The following C1orf141 variants were observed in gnomAD, a reference collection of about 807,000 sequenced individuals.
C1orf141 encodes the protein chromosome 1 open reading frame 141, also known as uncharacterized protein C1orf141.
In C1orf141, 19 loss-of-function variants were observed where a neutral mutation model predicts 23.2. The ratio of observed to expected loss-of-function variants is 0.82; its 90% CI spans 0.57 to 1.20. The LOEUF (loss-of-function observed/expected upper bound fraction) is 1.20. C1orf141 is among the 50% of genes most tolerant of loss of function. The probability of loss-of-function intolerance (pLI) is 0.00; values close to 1 mark genes in which losing one functional copy is unlikely to be tolerated. For missense variants in C1orf141, 469 were observed against 455.1 expected (o/e 1.03, Z -0.28); for synonymous variants, 153 against 154.6 (o/e 0.99, Z 0.08).
intron 7 of C1orf141, chr1:67,094,947 C>T: frequency 3.9e-6 from 1 of 258,410 alleles, no homozygotes; most frequent in Non-Finnish European, 7.3e-6. Flanking sequence ...ATTGGTACAG[C>T]CATTTTTAAA....
At chr1:67,106,893 A>G (rs765039174) in intron 5 of C1orf141, among the ~76,000 whole-genome samples, 17 of 152,220 alleles carry the variant, frequency 1.1e-4, no homozygotes, top group Non-Finnish European at 2.5e-4. Context: ...GATCAATAGA[A>G]ATTACTTAAT....
At chr1:67,095,967 A>G in intron 6 of C1orf141, 1 of 225,480 alleles carries the variant, frequency 4.4e-6, no homozygotes, top group Non-Finnish European at 8.7e-6. Context: ...TCCAAAGAAA[A>G]GCTACTTTTT....
intron 1 of C1orf141, among the ~76,000 whole-genome samples, chr1:67,133,714 C>A (rs1450681414): frequency 1.3e-5 from 2 of 152,164 alleles, no homozygotes; most frequent in African/African-American, 4.8e-5. Flanking sequence ...GAGATTGGGA[C>A]ACCGAGGATA....
intron 4 of C1orf141, 85 bp downstream of exon 4, chr1:67,125,667 C>A: frequency 1.5e-6 from 2 of 1,314,476 alleles, no homozygotes; most frequent in Non-Finnish European, 2.2e-6. Context: ...CCACTGCACT[C>A]TACCCTAGGC....
At chr1:67,102,400 A>G (rs1645823997) in intron 5 of C1orf141, among the ~76,000 whole-genome samples, 1 of 151,800 alleles carries the variant, frequency 6.6e-6, no homozygotes, top group Non-Finnish European at 1.5e-5. Context: ...GGAAAAAGTG[A>G]TCTAAGCCAA....
chr1:67,095,642 G>T, intron 6 of C1orf141: 1 of 389,850 alleles, frequency 2.6e-6, no homozygotes, highest in Non-Finnish European at 4.5e-6. Context: ...TGCCTCTTTG[G>T]ATTTTGAGTG....
At chr1:67,134,745 C>T (rs943718488) in intron 1 of C1orf141, among the ~76,000 whole-genome samples, 185 bp downstream of exon 1, 1 of 152,226 alleles carries the variant, frequency 6.6e-6, no homozygotes, top group Non-Finnish European at 1.5e-5. Context: ...CGCCTCTCGC[C>T]GCGGTCCCAC....
At position 67,099,684 on chromosome 1, in the gene C1orf141, G is replaced by A. The variant is rs529576820; in HGVS notation, c.347-3363C>T. Among the ~76,000 whole-genome samples, 5 of 152,324 alleles carry A rather than the reference G, an allele frequency of 3.3e-5. No homozygotes were observed. In the East Asian group the frequency reaches 5.8e-4, roughly 18 times the overall value. On this transcript the variant is annotated intron_variant, in intron 5 of 7. Coordinates refer to ENST00000684719, the MANE Select transcript of C1orf141 (RefSeq NM_001276351.2). ...ATCCCAGCTACTTGGGAGGAGGCAGGAGAATCGCTTGAACCCAGGAGGCAG... is the reference window on the plus strand; with the variant it reads ...ATCCCAGCTACTTGGGAGGAGGCAGAAGAATCGCTTGAACCCAGGAGGCAG...
chr1:67,098,140 T>C (rs955691848), intron 5 of C1orf141, among the ~76,000 whole-genome samples: 16 of 152,162 alleles, frequency 1.1e-4, no homozygotes, highest in Non-Finnish European at 4.4e-5. Flanking sequence ...GTCTGAGTAA[T>C]GGCAACTGCA....
In C1orf141 at chr1:67,093,362, G is replaced by A. The variant is rs371582957; in HGVS notation, c.846C>T (p.Ile282=). The part of the protein sequence containing the change: ...MPTVQRKDIQ[I]PMSFKAGHTT... ...TGTGGCCCGCTTTAAAAGACATAGGGATCTGTATATCTTTTCTCTGTACTG... is the reference window on the plus strand; with the variant it reads ...TGTGGCCCGCTTTAAAAGACATAGGAATCTGTATATCTTTTCTCTGTACTG... The change falls in exon 8 of 8, where the codon ATC becomes ATT. Residue 282 remains isoleucine, a synonymous_variant. Transcript: ENST00000684719. The A allele has an allele frequency of 1.9e-6, 3 of 1,613,680 alleles. No homozygotes were observed. In the African/African-American group the frequency reaches 4.0e-5, roughly 22 times the overall value.
In C1orf141 at chr1:67,120,290, T is replaced by A. The variant is rs568226413; in HGVS notation, c.234-4826A>T. Among the ~76,000 whole-genome samples, 6 of 152,320 alleles carry A rather than the reference T, an allele frequency of 3.9e-5. No individual in the cohort carries two copies. The South Asian group carries it at 6.2e-4, about 16-fold the overall frequency. On this transcript the variant is annotated intron_variant, in intron 4 of 7. Transcript: ENST00000684719. ...GGTTCACAACTGGAGAGAAATTTTG[T>A]CTCAGGGTACTCTTACCTCAAGTTT...
intron 1 of C1orf141, among the ~76,000 whole-genome samples, chr1:67,134,409 T>C (rs1383275336): frequency 2.6e-5 from 4 of 152,246 alleles, no homozygotes; most frequent in Non-Finnish European, 5.9e-5. Flanking sequence ...ATTGCAAGAA[T>C]TGATTAGCCA....
intron 4 of C1orf141, among the ~76,000 whole-genome samples, chr1:67,120,721 A>C (rs898752638): frequency 6.6e-6 from 1 of 152,166 alleles, no homozygotes; most frequent in African/African-American, 2.4e-5. Context: ...CTGATCTTGG[A>C]CTTCCTAGCC....
At chr1:67,138,944 G>A (rs1178368676), upstream of C1orf141, 12 of 152,324 alleles carry the variant, frequency 7.9e-5, no homozygotes, top group East Asian at 7.5e-4. Flanking sequence ...ATTTTATTCC[G>A]GGACTTTGAG....
chr1:67,120,629 A>G (rs1038187335), intron 4 of C1orf141, among the ~76,000 whole-genome samples: 9 of 152,258 alleles, frequency 5.9e-5, no homozygotes, highest in African/African-American at 1.7e-4. Context: ...GAGAGGTGCT[A>G]TCTGTCTCTT....
At chr1:67,112,025 G>A (rs1646083796) in intron 5 of C1orf141, among the ~76,000 whole-genome samples, 1 of 152,156 alleles carries the variant, frequency 6.6e-6, no homozygotes, top group Admixed American at 6.5e-5. Flanking sequence ...ATGAGTTTTA[G>A]TAATCTGAAT....
intron 3 of C1orf141, 59 bp downstream of exon 3, chr1:67,127,107 A>G: frequency 8.6e-7 from 1 of 1,163,406 alleles, no homozygotes; most frequent in African/African-American, 1.6e-5. Flanking sequence ...AAAATTATTC[A>G]CATTTGAAAT....
intron 7 of C1orf141, chr1:67,094,954 T>A (rs1376895646): frequency 2.9e-5 from 8 of 274,578 alleles, no homozygotes; most frequent in African/African-American, 1.3e-4. Context: ...CAGCCATTTT[T>A]AAAAAATTCT....
intron 5 of C1orf141, chr1:67,113,838 G>T: frequency 4.1e-6 from 2 of 486,558 alleles, no homozygotes; most frequent in Non-Finnish European, 7.6e-6. Flanking sequence ...CAGCCCTCCT[G>T]CTGAAAACAC....
Sources: gnomAD v4.1 joint callset for allele counts (sites outside exome capture counted in the v4.1 genomes callset) on GRCh38, gnomAD v4.1.1 for gene constraint, MANE v1.5 for transcripts, NCBI Gene and HGNC (gene_info 2026-07-23, HGNC 2026-07-21) for gene names.